PCM1: variants seen among roughly 807,000 people sequenced by gnomAD.
PCM1 encodes pericentriolar material 1 protein.
In PCM1, 157 loss-of-function variants were observed where a neutral mutation model predicts 241.9. The ratio of observed to expected loss-of-function variants is 0.65; its 90% confidence interval spans 0.57 to 0.74. The LOEUF (loss-of-function observed/expected upper bound fraction) is 0.74, where lower values mean the gene tolerates loss of function less well. Among genes scored for constraint, PCM1 ranks in the 30% least tolerant of loss-of-function variants. PCM1 has a pLI of 0.00. For missense variants in PCM1, 3,478 were observed against 2,360.1 expected (o/e 1.47, Z -9.81); for synonymous variants, 1,085 against 784.9 (o/e 1.38, Z -6.39).
At chr8:17,933,892 A>T (rs999401292) in intron 2 of PCM1, among the ~76,000 whole-genome samples, 4 of 152,136 alleles carry the variant, frequency 2.6e-5, no homozygotes, top group Non-Finnish European at 5.9e-5. Flanking sequence ...TATTTTAAGC[A>T]TAATGTTGAC....
In PCM1 at chr8:18,023,559, A is replaced by ATTGTT. The variant is rs568857204; in HGVS notation, c.5842-1799_5842-1795dup. 5.0e-3 allele frequency among the ~76,000 whole-genome samples: 761 copies of ATTGTT among 152,298 alleles called. 6 individuals are homozygous for ATTGTT. Among genetic ancestry groups the ATTGTT allele is most frequent in the African/African-American group, 0.017 (721 of 41,558 alleles). On this transcript the variant is annotated intron_variant, in intron 36 of 38. Coordinates refer to ENST00000325083, the MANE Select transcript of PCM1 (RefSeq NM_006197.4). ...CAGGGATGAGCTTTGGGTGAAACGT[A>ATTGTT]TTGTTTTTATGTTAATTAGATATTG... is the stretch of plus-strand genomic sequence containing the variant.
chr8:18,021,941 G>T (rs185039275), intron 36 of PCM1, among the ~76,000 whole-genome samples: 16 of 152,332 alleles, frequency 1.1e-4, no homozygotes, highest in Non-Finnish European at 1.8e-4. Flanking sequence ...TCTACCAGCT[G>T]AAGGAGGCTT....
chr8:17,977,623 C>G (rs761663440), intron 23 of PCM1, among the ~76,000 whole-genome samples: 2 of 152,088 alleles, frequency 1.3e-5, no homozygotes, highest in African/African-American at 4.8e-5. Context: ...CTTCCCCTTA[C>G]CCCCAAGAGT....
In PCM1 at chr8:17,962,027, T is replaced by G; in HGVS notation, c.2323-7T>G. The G allele has an allele frequency of 8.7e-6, 14 of 1,601,892 alleles. No homozygotes were observed. Among genetic ancestry groups the G allele is most frequent in the Non-Finnish European group, 1.2e-5 (14 of 1,173,940 alleles). ...CCTCATAACGTTTTTTGTGAATTCC[T>G]TTTTAGCTGTCAGCTGCTAGTGTGG... On this transcript the variant is annotated splice_region_variant and splice_polypyrimidine_tract_variant and intron_variant, in intron 15 of 38. Transcript: ENST00000325083.
At chr8:17,999,090 A>G (rs2088140675) in intron 29 of PCM1, among the ~76,000 whole-genome samples, 1 of 152,108 alleles carries the variant, frequency 6.6e-6, no homozygotes, top group African/African-American at 2.4e-5. Flanking sequence ...AATGCTGTCC[A>G]GGAGCCAGGT....
At chr8:17,997,514 G>C (rs981179510) in intron 29 of PCM1, among the ~76,000 whole-genome samples, 5 of 151,968 alleles carry the variant, frequency 3.3e-5, no homozygotes, top group Admixed American at 6.6e-5. Context: ...AGATCCTGTA[G>C]GTGTGCTTTA....
Position 18,025,587 on chromosome 8 carries a change from A to G in PCM1, c.5978A>G (p.His1993Arg), listed in dbSNP as rs563917832. ...ATGGTAGAAGAAGAACAGAAAAACC[A>G]TTTATCTGGTGAAATATGTGAAATG... ...KKMVEEEQKN[H>R]LSGEICEMQT... Residue 1993 changes from histidine (H) to arginine (R), a missense_variant, in exon 38 of 39, where the codon CAT (histidine) becomes CGT (arginine). His to Arg is a conservative substitution (Grantham distance 29). Transcript: ENST00000325083. 2.5e-5 allele frequency: 40 copies of G among 1,585,546 alleles called. No homozygotes were observed. In the South Asian group the frequency reaches 3.3e-4, roughly 13 times the overall value.
intron 2 of PCM1, chr8:17,926,478 T>A (rs2057002240): frequency 6.6e-6 from 1 of 152,182 alleles, no homozygotes; most frequent in Admixed American, 6.5e-5. Context: ...CTTCATGGAG[T>A]AAATTTACAT....
intron 17 of PCM1, among the ~76,000 whole-genome samples, chr8:17,963,768 A>G (rs1295980716): frequency 2.6e-5 from 4 of 152,210 alleles, no homozygotes; most frequent in African/African-American, 4.8e-5. Context: ...TTGGTCATCT[A>G]TAAGATCAGT....
chr8:17,966,430 C>A lies in PCM1; in HGVS notation c.3178C>A (p.Gln1060Lys), dbSNP rs1486454122. The A allele has an allele frequency of 6.2e-7, 1 of 1,613,364 alleles. No individual in the cohort carries two copies. The highest frequency in any genetic ancestry group is 1.1e-5 in the South Asian group (1 of 91,072). The change falls in exon 20 of 39, where the codon CAG becomes AAG. Residue 1060 changes from glutamine (Q) to lysine (K), a missense_variant. Transcript: ENST00000325083. The stretch of plus-strand genomic sequence containing the variant: ...ACACTTCATAATGCACCAGTTGAAC[C>A]AGTGCTATACTCAGCTAACATGGCA... ...QVHFIMHQLN[Q>K]CYTQLTWQQN...
At chr8:18,009,289 T>G (rs2092074397) in intron 30 of PCM1, among the ~76,000 whole-genome samples, 1 of 152,204 alleles carries the variant, frequency 6.6e-6, no homozygotes, top group Non-Finnish European at 1.5e-5. Flanking sequence ...CTGTCTGAAT[T>G]CATTTGTGCC....
intron 17 of PCM1, 76 bp from the exon 18 acceptor site, chr8:17,964,492 G>A: frequency 9.4e-7 from 1 of 1,066,816 alleles, no homozygotes; most frequent in East Asian, 2.5e-5. Flanking sequence ...TTGAAACAAT[G>A]TCTGGCACAT....
Position 17,972,611 on chromosome 8 carries a change from A to G in PCM1, c.3867A>G (p.Ala1289=). ...AAGCGTCTGCACAGGCCAGCCTGGC[A>G]TCTAAAGATAAAACTCCCAAGTCAA... is the stretch of plus-strand genomic sequence containing the variant. ...TRKASAQASL[A]SKDKTPKSKS... is the part of the protein sequence containing the mutation. Residue 1289 remains alanine, a synonymous_variant, in exon 23 of 39, where the codon GCA becomes GCG. Transcript: ENST00000325083. 4 of 1,591,618 alleles carry G rather than the reference A, an allele frequency of 2.5e-6. No individual in the cohort carries two copies. The highest frequency in any genetic ancestry group is 3.4e-6 in the Non-Finnish European group (4 of 1,173,028).
chr8:18,009,835 G>C, intron 31 of PCM1, 91 bp downstream of exon 31: 1 of 792,284 alleles, frequency 1.3e-6, no homozygotes, highest in Non-Finnish European at 1.8e-6. Context: ...TTTTACCTCA[G>C]CAAAAGTAGT....
intron 27 of PCM1, among the ~76,000 whole-genome samples, chr8:17,990,471 T>TG (rs1274173142): frequency 6.6e-6 from 1 of 151,804 alleles, no homozygotes; most frequent in Non-Finnish European, 1.5e-5. Flanking sequence ...GGTTGTTTTT[T>TG]TTTGTTTGTT....
chr8:17,929,784 C>T (rs1026864502), intron 2 of PCM1, among the ~76,000 whole-genome samples: 1 of 152,128 alleles, frequency 6.6e-6, no homozygotes, highest in Admixed American at 6.5e-5. Flanking sequence ...TATGTTATTT[C>T]CTGTATGTAT....
Position 18,027,705 on chromosome 8 carries a change from A to G in PCM1, c.*43A>G, listed in dbSNP as rs767197052. The stretch of plus-strand genomic sequence containing the variant: ...ATCTAACTCTGTCCTTACATACTCA[A>G]TGCATATATGAAAACAATACTAAAT... On this transcript the variant is annotated 3_prime_UTR_variant, in exon 39 of 39. Transcript: ENST00000325083. 26 of 1,402,418 alleles carry G rather than the reference A, an allele frequency of 1.9e-5. No individual in the cohort carries two copies. The highest frequency in any genetic ancestry group is 1.4e-4 in the Admixed American group (8 of 57,742). The allele number at this position is 1,402,418 out of a possible 1,614,324, so 86.9% of individuals were successfully genotyped here.
chr8:17,963,707 T>C (rs1415750940), intron 17 of PCM1, among the ~76,000 whole-genome samples: 3 of 152,218 alleles, frequency 2.0e-5, no homozygotes, highest in Non-Finnish European at 4.4e-5. Flanking sequence ...AATCATTTAG[T>C]TTTTAGGATT....
chr8:17,948,092 C>G (rs2064509847), intron 7 of PCM1, among the ~76,000 whole-genome samples: 1 of 152,038 alleles, frequency 6.6e-6, no homozygotes, highest in African/African-American at 2.4e-5. Context: ...AGTCTATCCC[C>G]CACTGTCTGC....
Sources: allele counts gnomAD v4.1 joint callset (sites outside exome capture counted in the v4.1 genomes callset), GRCh38; gene constraint gnomAD v4.1.1; transcripts MANE v1.5; gene names NCBI Gene and HGNC (gene_info 2026-07-23, HGNC 2026-07-21).